The following PSMD13 variants were observed in gnomAD, a reference collection of about 807,000 sequenced individuals.
The protein encoded by PSMD13 is proteasome 26S subunit, non-ATPase 13, also known as 26S proteasome non-ATPase regulatory subunit 13.
PSMD13 carries 8 observed loss-of-function variants against 57.4 expected under a neutral mutation model. That is an observed-to-expected ratio of 0.14 (90% CI 0.08 to 0.25). The LOEUF (loss-of-function observed/expected upper bound fraction) is 0.25. Among genes scored for constraint, PSMD13 ranks in the 10% least tolerant of loss-of-function variants. The probability of loss-of-function intolerance (pLI) is 1.00; values close to 1 mark genes in which losing one functional copy is unlikely to be tolerated. For missense variants in PSMD13, 400 were observed against 461.5 expected, an observed-to-expected ratio of 0.87 and a Z score of 1.22; for synonymous variants, 193 against 168.2, an observed-to-expected ratio of 1.15 and a Z score of -1.14.
chr11:248,460 C>T, intron 7 of PSMD13: 1 of 353,124 alleles, frequency 2.8e-6, no homozygotes, highest in Non-Finnish European at 5.2e-6. Context: ...GGTTAGGTAA[C>T]TTAAATTTAT....
chr11:245,470 G>A (rs1222487860), intron 6 of PSMD13, among the ~76,000 whole-genome samples: 1 of 152,218 alleles, frequency 6.6e-6, no homozygotes, highest in Non-Finnish European at 1.5e-5. Context: ...CCACTGGCAT[G>A]TCACGTGCTA....
intron 9 of PSMD13, 52 bp from the exon 10 acceptor site, chr11:250,751 A>G (rs1335403297): frequency 2.6e-6 from 4 of 1,547,994 alleles, no homozygotes; most frequent in Non-Finnish European, 3.6e-6. Flanking sequence ...CAGTTAAGTA[A>G]CTGATAAGCA....
chr11:246,019 C>A (rs778173748), intron 6 of PSMD13, among the ~76,000 whole-genome samples: 8 of 152,174 alleles, frequency 5.3e-5, no homozygotes, highest in Non-Finnish European at 1.0e-4. Context: ...ACTTCTCCCC[C>A]AGCCAGGCTC....
intron 6 of PSMD13, 60 bp from the exon 7 acceptor site, chr11:247,217 T>TA: frequency 1.3e-6 from 2 of 1,511,122 alleles, no homozygotes; most frequent in Non-Finnish European, 1.8e-6. Context: ...ACCCTGTCTC[T>TA]AAAAAAATAA....
At position 247,299 on chromosome 11, in the gene PSMD13, A is replaced by G; in HGVS notation, c.419A>G (p.Glu140Gly). The G allele has an allele frequency of 6.2e-7, 1 of 1,613,114 alleles. No individual in the cohort carries two copies. Among genetic ancestry groups the G allele is most frequent in the African/African-American group, 1.3e-5 (1 of 75,002 alleles). ...TAGGAAACAATTGAAGATGTTGAAG[A>G]AATGCTCAACAACCTTCCTGGTGTG... ...VTKETIEDVE[E>G]MLNNLPGVTS... The change falls in exon 7 of 13, where the codon GAA becomes GGA. Residue 140 changes from glutamate (E) to glycine (G), a missense_variant. Physicochemically the swap from Glu to Gly is moderately conservative, Grantham distance 98. Coordinates refer to ENST00000532097, the MANE Select transcript of PSMD13 (RefSeq NM_002817.4).
Position 237,308 on chromosome 11 carries a change from A to G in PSMD13, c.95+164A>G, listed in dbSNP as rs961862462. Among the ~76,000 whole-genome samples the G allele has an allele frequency of 1.1e-4, 17 of 152,236 alleles. No homozygotes were observed. In the East Asian group the frequency reaches 2.7e-3, roughly 24 times the overall value. ...CTGTGCCGGCAAGGTTTGCTGAGGAACCTTGAGTGGCAGGGTCGAGGAATA... is the reference window on the plus strand; with the variant it reads ...CTGTGCCGGCAAGGTTTGCTGAGGAGCCTTGAGTGGCAGGGTCGAGGAATA... On this transcript the variant is annotated intron_variant, in intron 1 of 12. Transcript: ENST00000532097.
chr11:238,785 T>C (rs1449267842), intron 1 of PSMD13, among the ~76,000 whole-genome samples: 3 of 152,250 alleles, frequency 2.0e-5, no homozygotes, highest in African/African-American at 7.2e-5. Context: ...AAATCAAAAA[T>C]CTGAAATCTG....
intron 9 of PSMD13, among the ~76,000 whole-genome samples, chr11:249,876 T>C (rs1859737759): frequency 6.6e-6 from 1 of 152,186 alleles, no homozygotes; most frequent in African/African-American, 2.4e-5. Context: ...AATAAACTTG[T>C]AAAATTCATG....
intron 2 of PSMD13, among the ~76,000 whole-genome samples, chr11:242,240 T>C (rs2133984893): frequency 6.7e-6 from 1 of 149,038 alleles, no homozygotes; most frequent in Non-Finnish European, 1.5e-5. Flanking sequence ...TCATTTGTCT[T>C]ACACGTTCTA....
In PSMD13 at chr11:237,560, C is replaced by G. The variant is rs184833488; in HGVS notation, c.95+416C>G. Among the ~76,000 whole-genome samples the G allele has an allele frequency of 5.9e-5, 9 of 152,368 alleles. No homozygotes were observed. The East Asian group carries it at 1.7e-3, about 29-fold the overall frequency. ...TTGGGAAACATGTTGGTGATTCGTG[C>G]TTAGCCTTGTCATAGTGTAACTGTA... On this transcript the variant is annotated intron_variant, in intron 1 of 12. Coordinates refer to ENST00000532097, the MANE Select transcript of PSMD13 (RefSeq NM_002817.4).
At chr11:239,100 T>C (rs1284898139) in intron 2 of PSMD13, 24 bp downstream of exon 2, 1 of 1,582,530 alleles carries the variant, frequency 6.3e-7, no homozygotes, top group Non-Finnish European at 8.7e-7. Context: ...TATACCAGAT[T>C]AGATTATATG....
At chr11:240,128 T>TTTTTTTTTTTTTTTG (rs869292581) in intron 2 of PSMD13, among the ~76,000 whole-genome samples, 1 of 141,614 alleles carries the variant, frequency 7.1e-6, no homozygotes. Flanking sequence ...TTTTTTTTTT[T>TTTTTTTTTTTTTTTG]GACGGAGTTT....
chr11:238,052 A>G (rs1240626270), intron 1 of PSMD13, among the ~76,000 whole-genome samples: 10 of 152,238 alleles, frequency 6.6e-5, no homozygotes, highest in African/African-American at 2.2e-4. Flanking sequence ...GTTGGATAGC[A>G]CTTGGTAATT....
In PSMD13 at chr11:252,342, G is replaced by A. The variant is rs1023972875; in HGVS notation, c.1036-163G>A. ...ACGTTCCTGTGAAAAGAATTAACCCGGCAAGTCCCGTCCCACTCCCCCAGC... is the reference window on the plus strand; with the variant it reads ...ACGTTCCTGTGAAAAGAATTAACCCAGCAAGTCCCGTCCCACTCCCCCAGC... On this transcript the variant is annotated intron_variant, in intron 12 of 12. Transcript: ENST00000532097. This position sits in a 1 kb window ranked among gnomAD's most constrained non-coding sequence, Gnocchi z 4.1. 32 of 636,188 alleles carry A rather than the reference G, an allele frequency of 5.0e-5. No individual in the cohort carries two copies. The highest frequency in any genetic ancestry group is 1.2e-4 in the South Asian group (6 of 51,890). 39.4% of individuals were successfully genotyped at this position (636,188 alleles called of 1,614,324 possible).
rs762433538 is a variant in PSMD13 at position 237,119 on chromosome 11, C to T, written c.70C>T (p.Arg24Cys). The T allele has an allele frequency of 6.2e-7, 1 of 1,611,816 alleles. No homozygotes were observed. The highest frequency in any genetic ancestry group is 8.5e-7 in the Non-Finnish European group (1 of 1,179,064). Reference protein sequence around the residue: ...SGPGQPAVWHRLEELYTKKLW... With the variant: ...SGPGQPAVWHCLEELYTKKLW... Reference sequence around the variant, plus strand: ...GCCCGGGCAGCCCGCTGTGTGGCACCGTCTGGAGGAGCTCTACACGAAGAA... The same window carrying T: ...GCCCGGGCAGCCCGCTGTGTGGCACTGTCTGGAGGAGCTCTACACGAAGAA... The change falls in exon 1 of 13, where the codon CGT (arginine) becomes TGT (cysteine). Residue 24 changes from arginine to cysteine, a missense_variant. Arg to Cys is a radical substitution (Grantham distance 180, BLOSUM62 -3). Transcript: ENST00000532097.
intron 6 of PSMD13, among the ~76,000 whole-genome samples, chr11:245,657 T>TGC (rs1321209456): frequency 7.2e-6 from 1 of 138,074 alleles, no homozygotes; most frequent in East Asian, 2.1e-4. Flanking sequence ...TGTGTGTGTG[T>TGC]GTGTGTGTGT....
chr11:250,212 T>A (rs1590254471), intron 9 of PSMD13, among the ~76,000 whole-genome samples: 1 of 152,194 alleles, frequency 6.6e-6, no homozygotes, highest in South Asian at 2.1e-4. Flanking sequence ...AAACAACAAG[T>A]CTCCTTGGTT....
At chr11:239,217 A>C in intron 2 of PSMD13, 141 bp downstream of exon 2, 1 of 790,658 alleles carries the variant, frequency 1.3e-6, no homozygotes, top group Non-Finnish European at 2.1e-6. Flanking sequence ...TGAGCGCTTC[A>C]CATATCCTTC....
At chr11:247,125 G>T (rs551679745) in intron 6 of PSMD13, 152 bp from the exon 7 acceptor site, 17 of 675,822 alleles carry the variant, frequency 2.5e-5, no homozygotes, top group Non-Finnish European at 3.1e-5. Context: ...GCTTGAACCT[G>T]TAATCCCAGC....
Sources: allele counts gnomAD v4.1 joint callset (sites outside exome capture counted in the v4.1 genomes callset), GRCh38; gene constraint gnomAD v4.1.1; non-coding constraint Gnocchi (gnomAD v3.1); transcripts MANE v1.5; gene names NCBI Gene and HGNC (gene_info 2026-07-23, HGNC 2026-07-21).